The following ZSWIM5 variants were observed in gnomAD, a reference collection of about 807,000 sequenced individuals.
ZSWIM5 encodes the protein zinc finger SWIM-type containing 5.
Under a neutral mutation model 119.6 loss-of-function variants are expected in ZSWIM5, and 55 were observed. The observed-to-expected ratio is 0.46, with a 90% CI of 0.37 to 0.58. ZSWIM5 has a LOEUF of 0.58. Among genes scored for constraint, ZSWIM5 ranks in the 20% least tolerant of loss-of-function variants. The pLI is 0.00. For synonymous variants in ZSWIM5, 537 were observed against 606.9 expected (o/e 0.88, Z 1.69); for missense variants, 1,193 against 1,512.8 (o/e 0.79, Z 3.51).
At chr1:45,062,903 A>C (rs1475720933) in intron 2 of ZSWIM5, among the ~76,000 whole-genome samples, 1 of 152,162 alleles carries the variant, frequency 6.6e-6, no homozygotes, top group African/African-American at 2.4e-5. Flanking sequence ...GGTTTGGGGT[A>C]AAAATGATCC....
intron 1 of ZSWIM5, among the ~76,000 whole-genome samples, chr1:45,196,939 GA>G (rs1646129299): frequency 1.3e-5 from 2 of 152,140 alleles, no homozygotes; most frequent in South Asian, 4.1e-4. Context: ...GCCATTTACT[GA>G]CTAGAGGTTA....
intron 1 of ZSWIM5, among the ~76,000 whole-genome samples, chr1:45,181,246 G>C (rs1183358414): frequency 6.6e-6 from 1 of 152,140 alleles, no homozygotes; most frequent in East Asian, 1.9e-4. Flanking sequence ...TAAAGGAGCT[G>C]ATGGAGCTGA....
chr1:45,087,172 C>G (rs913407179), intron 2 of ZSWIM5, among the ~76,000 whole-genome samples: 1 of 152,184 alleles, frequency 6.6e-6, no homozygotes, highest in African/African-American at 2.4e-5. Flanking sequence ...GCGTGAGCCA[C>G]TGTGCCTGGC....
At chr1:45,179,162 C>T (rs1482343114) in intron 1 of ZSWIM5, among the ~76,000 whole-genome samples, 1 of 152,088 alleles carries the variant, frequency 6.6e-6, no homozygotes, top group East Asian at 1.9e-4. Context: ...ATATTCATTA[C>T]AGCACTATTC....
intron 1 of ZSWIM5, among the ~76,000 whole-genome samples, chr1:45,139,374 TTC>T (rs141062267): frequency 5.3e-5 from 8 of 149,830 alleles, no homozygotes; most frequent in African/African-American, 2.0e-4. Flanking sequence ...TTCTTTTTTT[TTC>T]TCTCTCTCTC....
In ZSWIM5 at chr1:45,034,465, G is replaced by A. The variant is rs767591466; in HGVS notation, c.2296C>T (p.Pro766Ser). The stretch of plus-strand genomic sequence containing the variant: ...GCAGAAGCTGAGTTTTCTAAAACAG[G>A]TAACCTGGAAGACCCAGGAAGAATC... ...YKLALRAMRL[P>S]VLENSASAGD... The change falls in exon 11 of 14, where the codon CCT (proline) becomes TCT (serine). Residue 766 changes from proline to serine, a missense_variant. Pro to Ser is a moderately conservative substitution (Grantham distance 74, BLOSUM62 -1). Transcript: ENST00000359600. 6.2e-7 allele frequency: 1 copy of A among 1,602,726 alleles called. No individual in the cohort carries two copies. Among genetic ancestry groups the A allele is most frequent in the South Asian group, 1.1e-5 (1 of 89,132 alleles).
chr1:45,198,082 C>T (rs1317600045), intron 1 of ZSWIM5, among the ~76,000 whole-genome samples: 1 of 152,228 alleles, frequency 6.6e-6, no homozygotes, highest in Non-Finnish European at 1.5e-5. Context: ...CGAGGACAGA[C>T]AATTACAGCA....
rs1475579706 is a variant in ZSWIM5, at chr1:45,163,833, T to A, written c.595+41923A>T. 2.6e-5 allele frequency among the ~76,000 whole-genome samples: 4 copies of A among 152,084 alleles called. No homozygotes were observed. The East Asian group carries it at 7.7e-4, about 29-fold the overall frequency. On this transcript the variant is annotated intron_variant, in intron 1 of 13. Transcript: ENST00000359600. ...TATGGGACAATGTGAAAAGACCAAA[T>A]CTACGTCTGATTGGCGTACCTGAAA...
intron 1 of ZSWIM5, among the ~76,000 whole-genome samples, chr1:45,154,235 C>G (rs1236881250): frequency 6.6e-6 from 1 of 151,624 alleles, no homozygotes; most frequent in Non-Finnish European, 1.5e-5. Context: ...CTTTACAAAA[C>G]TAGAAAAAAA....
Position 45,060,173 on chromosome 1 carries a change from C to T in ZSWIM5, c.1027G>A (p.Glu343Lys), listed in dbSNP as rs1248639317. The change falls in exon 3 of 14, where the codon GAA (glutamate) becomes AAA (lysine). Residue 343 changes from glutamate (E) to lysine (K), a missense_variant. Glu to Lys is a moderately conservative substitution (Grantham distance 56). Coordinates refer to ENST00000359600, the MANE Select transcript of ZSWIM5 (RefSeq NM_020883.2). ...CWHLDEEQVKEQVKLFLSQGG... is the reference protein window; with the variant it reads ...CWHLDEEQVKKQVKLFLSQGG... ...TGGGAGAGAAAAAGCTTCACTTGTT[C>T]TTTCACCTGTTCTTCATCCAAATGC... 4 of 1,614,172 alleles carry T rather than the reference C, an allele frequency of 2.5e-6. No homozygotes were observed. Among genetic ancestry groups the T allele is most frequent in the Admixed American group, 3.3e-5 (2 of 60,026 alleles).
At chr1:45,086,176 C>G (rs941036817) in intron 2 of ZSWIM5, among the ~76,000 whole-genome samples, 2 of 152,106 alleles carry the variant, frequency 1.3e-5, no homozygotes, top group Non-Finnish European at 2.9e-5. Context: ...GGGGCAGGTG[C>G]TTACACACTT....
At chr1:45,069,551 G>A (rs1645209014) in intron 2 of ZSWIM5, among the ~76,000 whole-genome samples, 1 of 151,988 alleles carries the variant, frequency 6.6e-6, no homozygotes, top group African/African-American at 2.4e-5. Context: ...TTAAACACTG[G>A]AATTTGAGGA....
At chr1:45,060,015 C>T (rs1231419196) in intron 3 of ZSWIM5, 84 bp downstream of exon 3, 1 of 1,497,980 alleles carries the variant, frequency 6.7e-7, no homozygotes, top group Non-Finnish European at 9.2e-7. Flanking sequence ...AGGTATAATG[C>T]ATGAAGCCTG....
intron 4 of ZSWIM5, among the ~76,000 whole-genome samples, chr1:45,053,791 T>C (rs1395577443): frequency 2.2e-5 from 3 of 133,702 alleles, no homozygotes; most frequent in Non-Finnish European, 4.8e-5. Flanking sequence ...AAAGGATCCC[T>C]AGAAAGTGAG....
At chr1:45,101,414 A>C (rs1271526217) in intron 1 of ZSWIM5, among the ~76,000 whole-genome samples, 1 of 152,224 alleles carries the variant, frequency 6.6e-6, no homozygotes, top group Non-Finnish European at 1.5e-5. Context: ...GAGGATGTGG[A>C]GAAATAGGAA....
At chr1:45,090,932 G>C (rs1326550797) in intron 1 of ZSWIM5, among the ~76,000 whole-genome samples, 1 of 152,066 alleles carries the variant, frequency 6.6e-6, no homozygotes, top group Non-Finnish European at 1.5e-5. Context: ...GTAATATATA[G>C]CAAAGAGCAC....
chr1:45,024,990 T>G (rs987821937), intron 11 of ZSWIM5, among the ~76,000 whole-genome samples: 1 of 152,224 alleles, frequency 6.6e-6, no homozygotes, highest in African/African-American at 2.4e-5. Context: ...TGTTTTACCT[T>G]TAGGTCTATG....
Position 45,036,201 on chromosome 1 carries a change from C to A in ZSWIM5, c.1993G>T (p.Ala665Ser). The A allele has an allele frequency of 6.8e-6, 11 of 1,614,114 alleles. No homozygotes were observed. Among genetic ancestry groups the A allele is most frequent in the Non-Finnish European group, 9.3e-6 (11 of 1,180,040 alleles). The change falls in exon 9 of 14, where the codon GCA (alanine) becomes TCA (serine). Residue 665 changes from alanine to serine, a missense_variant. Ala to Ser is a moderately conservative substitution (Grantham distance 99). Around this residue, in one of 2 missense-constraint regions of ZSWIM5, gnomAD observed 961 missense variants for 1,290.0 expected, o/e 0.74. Transcript: ENST00000359600. ...ESYLSLALEV[A>S]LMGLGQQRLM... ...CTCTGTTGACCCAGGCCCATCAGTG[C>A]AACTTCCAGGGCCAATGACAGGTAG...
chr1:45,115,324 G>A (rs983160998), intron 1 of ZSWIM5, among the ~76,000 whole-genome samples: 2 of 150,930 alleles, frequency 1.3e-5, no homozygotes, highest in African/African-American at 4.9e-5. Flanking sequence ...GGGTGGAGAC[G>A]CTCCTCATTT....
Sources: gnomAD v4.1 joint callset for allele counts (sites outside exome capture counted in the v4.1 genomes callset) on GRCh38, gnomAD v4.1.1 for gene constraint, gnomAD v4.1.1 regional missense constraint, MANE v1.5 for transcripts, NCBI Gene and HGNC (gene_info 2026-07-23, HGNC 2026-07-21) for gene names.